TRIP12: variants seen among roughly 807,000 people sequenced by gnomAD.
TRIP12 encodes E3 ubiquitin-protein ligase TRIP12.
In TRIP12, 25 loss-of-function variants were observed where a neutral mutation model predicts 244.2. The observed-to-expected ratio is 0.10, with a 90% CI of 0.07 to 0.14. The LOEUF (loss-of-function observed/expected upper bound fraction) is 0.14, where lower values mean the gene tolerates loss of function less well. Ranked by LOEUF, TRIP12 falls within the 10% of genes least tolerant of loss-of-function variation. TRIP12 has a pLI of 1.00. For missense variants in TRIP12, 1,677 were observed against 2,486.4 expected (o/e 0.67, Z 6.92); for synonymous variants, 905 against 873.1 (o/e 1.04, Z -0.64).
At chr2:229,791,790 A>C in intron 29 of TRIP12, 76 bp downstream of exon 29, 5 of 1,487,536 alleles carry the variant, frequency 3.4e-6, no homozygotes, top group African/African-American at 1.4e-5. Flanking sequence ...CCAGCCATTA[A>C]GTTAATGTGA....
intron 20 of TRIP12, 130 bp downstream of exon 20, chr2:229,803,441 C>T: frequency 3.2e-6 from 2 of 627,560 alleles, no homozygotes; most frequent in South Asian, 4.5e-5. Flanking sequence ...GTACACAGAG[C>T]TATAAGCTAA....
intron 8 of TRIP12, among the ~76,000 whole-genome samples, chr2:229,819,269 G>A (rs1355550475): frequency 6.6e-6 from 1 of 152,196 alleles, no homozygotes; most frequent in Middle Eastern, 3.2e-3. Context: ...GAGAGGCTGG[G>A]TGCAGTGGCT....
intron 1 of TRIP12, among the ~76,000 whole-genome samples, chr2:229,883,062 AG>A (rs1221187721): frequency 6.6e-6 from 1 of 152,258 alleles, no homozygotes; most frequent in East Asian, 1.9e-4. Context: ...TGATGGATAC[AG>A]GATCTCTCCC....
intron 27 of TRIP12, 88 bp downstream of exon 27, chr2:229,792,885 T>G: frequency 7.3e-7 from 1 of 1,363,896 alleles, no homozygotes; most frequent in Non-Finnish European, 9.9e-7. Flanking sequence ...GAAACAACAT[T>G]AAACAGAGAA....
At chr2:229,872,114 A>G (rs867829224) in intron 2 of TRIP12, among the ~76,000 whole-genome samples, 36,071 of 123,808 alleles carry the variant, frequency 0.29, 3,439 homozygotes, top group East Asian at 0.34. Flanking sequence ...TAAAAAAAAA[A>G]AAAAAAAAAA....
intron 8 of TRIP12, among the ~76,000 whole-genome samples, chr2:229,826,708 C>T (rs1470882913): frequency 6.6e-6 from 1 of 152,092 alleles, no homozygotes; most frequent in African/African-American, 2.4e-5. Context: ...ACCTGTACAG[C>T]ATGTTACTTT....
intron 38 of TRIP12, among the ~76,000 whole-genome samples, chr2:229,773,356 G>A (rs2035146580): frequency 1.3e-5 from 2 of 152,066 alleles, no homozygotes; most frequent in Admixed American, 6.5e-5. Context: ...TTACGGGCAT[G>A]AGCCACCGTG....
At chr2:229,807,253 C>A (rs903689906) in intron 17 of TRIP12, 2 of 180,148 alleles carry the variant, frequency 1.1e-5, no homozygotes, top group African/African-American at 2.4e-5. Flanking sequence ...AACATACAAG[C>A]CTACGTGTAT....
In TRIP12 at chr2:229,805,757, G is replaced by A; in HGVS notation, c.2623C>T (p.Pro875Ser). The change falls in exon 18 of 42, where the codon CCT becomes TCT. Residue 875 changes from proline (P) to serine (S), a missense_variant. Physicochemically the swap from Pro to Ser is moderately conservative, Grantham distance 74. Transcript: ENST00000675903. ...TGTARAIQRK[P>S]NPLANSNTSG... ...GTGTTACTATTGGCTAACGGGTTAGGTTTTCTCTGAATGGCACGTGCTGTT... is the reference window on the plus strand; with the variant it reads ...GTGTTACTATTGGCTAACGGGTTAGATTTTCTCTGAATGGCACGTGCTGTT... 6.2e-7 allele frequency: 1 copy of A among 1,602,622 alleles called. No individual in the cohort carries two copies. Among genetic ancestry groups the A allele is most frequent in the Non-Finnish European group, 8.5e-7 (1 of 1,171,130 alleles).
At position 229,840,913 on chromosome 2, in the gene TRIP12, T is replaced by A; in HGVS notation, c.1042A>T (p.Thr348Ser). Residue 348 changes from threonine to serine, a missense_variant, in exon 5 of 42, where the codon ACG becomes TCG. This residue lies in a region of TRIP12 where 143 missense variants were observed against 215.6 expected (regional missense o/e 0.66). Coordinates refer to ENST00000675903, the MANE Select transcript of TRIP12 (RefSeq NM_001348323.3). ...GGTGGAGACTCACTGCGTTTCTTCG[T>A]AGATTTTCTTAAACCTATCCACAGA... is the stretch of plus-strand genomic sequence containing the variant. The part of the protein sequence containing the change: ...QAKLASLRKS[T>S]KKRSESPPAE... 1 of 1,602,942 alleles carries A rather than the reference T, an allele frequency of 6.2e-7. No homozygotes were observed. The highest frequency in any genetic ancestry group is 8.5e-7 in the Non-Finnish European group (1 of 1,176,984).
At chr2:229,919,928 AAGAATT>A (rs1301264940) in intron 1 of TRIP12, among the ~76,000 whole-genome samples, 9 of 152,236 alleles carry the variant, frequency 5.9e-5, no homozygotes, top group Non-Finnish European at 1.0e-4. Flanking sequence ...TGTCAAAAGA[AAGAATT>A]AGAAATTCTG....
intron 34 of TRIP12, among the ~76,000 whole-genome samples, chr2:229,785,431 C>A (rs1474284221): frequency 1.3e-5 from 2 of 152,154 alleles, no homozygotes; most frequent in African/African-American, 4.8e-5. Flanking sequence ...TTGAAGTATG[C>A]AGTTATTATT....
chr2:229,804,495 T>G lies in TRIP12; in HGVS notation c.2651-268A>C, dbSNP rs182454059. ...TAACAATTCATCACCGCACTGTACC[T>G]CTTTATTTTACTGATATACATTCAA... On this transcript the variant is annotated intron_variant, in intron 18 of 41. Transcript: ENST00000675903. Among the ~76,000 whole-genome samples, 148 of 152,292 alleles carry G rather than the reference T, an allele frequency of 9.7e-4. 1 individual carries two copies. The highest frequency in any genetic ancestry group is 4.4e-5 in the Non-Finnish European group (3 of 68,028).
Position 229,802,150 on chromosome 2 carries a change from A to C in TRIP12, c.3206+102T>G, listed in dbSNP as rs2044544687. 3 of 794,308 alleles carry C rather than the reference A, an allele frequency of 3.8e-6. No individual in the cohort carries two copies. The African/African-American group carries it at 5.3e-5, about 14-fold the overall frequency. 49.2% of individuals were successfully genotyped at this position (794,308 alleles called of 1,614,324 possible). ...AAATACAAAAGGAAAAATATAATAT[A>C]TATATGCTAATATGTTACCATTTTA... On this transcript the variant is annotated intron_variant, in intron 21 of 41. Coordinates refer to ENST00000675903, the MANE Select transcript of TRIP12 (RefSeq NM_001348323.3).
chr2:229,856,743 A>T (rs2059671526), intron 4 of TRIP12, among the ~76,000 whole-genome samples: 1 of 152,232 alleles, frequency 6.6e-6, no homozygotes, highest in Non-Finnish European at 1.5e-5. Flanking sequence ...TGACATATGT[A>T]ACTCCAATTA....
chr2:229,849,089 C>T (rs1406314091), intron 4 of TRIP12, among the ~76,000 whole-genome samples: 2 of 152,176 alleles, frequency 1.3e-5, no homozygotes, highest in Non-Finnish European at 2.9e-5. Context: ...GAACAACCAT[C>T]CAGAGGCCTC....
chr2:229,801,579 T>C (rs2044361587), intron 21 of TRIP12, among the ~76,000 whole-genome samples: 1 of 152,216 alleles, frequency 6.6e-6, no homozygotes. Context: ...CTAGTAATAT[T>C]AAGCTTCTAA....
intron 8 of TRIP12, among the ~76,000 whole-genome samples, chr2:229,823,630 C>T (rs1304766747): frequency 5.3e-5 from 8 of 151,180 alleles, no homozygotes; most frequent in African/African-American, 1.2e-4. Flanking sequence ...GAGCTGAGAT[C>T]GCGCCACTGC....
At chr2:229,809,559 A>C (rs542061355) in intron 15 of TRIP12, among the ~76,000 whole-genome samples, 1 of 152,360 alleles carries the variant, frequency 6.6e-6, no homozygotes, top group African/African-American at 2.4e-5. Flanking sequence ...AACAAGAAAT[A>C]ATCTCTCTTA....
Sources: allele counts gnomAD v4.1 joint callset (sites outside exome capture counted in the v4.1 genomes callset), GRCh38; gene constraint gnomAD v4.1.1; regional missense constraint gnomAD v4.1.1; transcripts MANE v1.5; gene names NCBI Gene and HGNC (gene_info 2026-07-23, HGNC 2026-07-21).